ZFP82: variants seen among roughly 807,000 people sequenced by gnomAD.
ZFP82 encodes the protein zinc finger protein 82 homolog.
In ZFP82, 30 loss-of-function variants were observed where a neutral mutation model predicts 54.0. That is an observed-to-expected ratio of 0.56 (90% CI 0.42 to 0.75). The LOEUF is 0.75. Ranked by LOEUF, ZFP82 falls within the 30% of genes least tolerant of loss-of-function variation. ZFP82 has a pLI of 0.00. For synonymous variants in ZFP82, 194 were observed against 209.5 expected (o/e 0.93, Z 0.64); for missense variants, 500 against 636.8 (o/e 0.79, Z 2.31).
chr19:36,407,434 A>T (rs1456959520), intron 3 of ZFP82, among the ~76,000 whole-genome samples: 1 of 152,218 alleles, frequency 6.6e-6, no homozygotes, highest in Admixed American at 6.5e-5. Context: ...TTTATTAATG[A>T]AGGGAATGAG....
chr19:36,386,135 C>T (rs1316180518), downstream of ZFP82, among the ~76,000 whole-genome samples: 1 of 152,220 alleles, frequency 6.6e-6, no homozygotes, highest in African/African-American at 2.4e-5. Flanking sequence ...GAGGCTGCCC[C>T]TTCCATCACA....
At chr19:36,400,734 C>G (rs2032369234) in intron 4 of ZFP82, among the ~76,000 whole-genome samples, 1 of 152,182 alleles carries the variant, frequency 6.6e-6, no homozygotes, top group Non-Finnish European at 1.5e-5. Flanking sequence ...CCTATGAGCA[C>G]ACAAACATGC....
chr19:36,393,792 T>G lies in ZFP82; in HGVS notation c.548A>C (p.Gln183Pro). ...AATTCTGTGATGAAAAGTAAGCTGT[T>G]GGCGCACTCTGAACGCCTTCCCACA... is the stretch of plus-strand genomic sequence containing the variant. ...KECGKAFRVR[Q>P]QLTFHHRIHT... is the part of the protein sequence containing the mutation. The change falls in exon 5 of 5, where the codon CAA (glutamine) becomes CCA (proline). Residue 183 changes from glutamine (Q) to proline (P), a missense_variant. Coordinates refer to ENST00000392161, the MANE Select transcript of ZFP82 (RefSeq NM_133466.4). The G allele has an allele frequency of 1.2e-6, 2 of 1,613,456 alleles. No homozygotes were observed. Among genetic ancestry groups the G allele is most frequent in the Non-Finnish European group, 1.7e-6 (2 of 1,179,828 alleles).
chr19:36,410,392 C>G (rs1369494618), intron 1 of ZFP82, among the ~76,000 whole-genome samples: 1 of 151,624 alleles, frequency 6.6e-6, no homozygotes, highest in African/African-American at 2.4e-5. Context: ...TAACAAATGT[C>G]TATTTATCAA....
At chr19:36,415,331 G>C (rs993332579) in intron 1 of ZFP82, among the ~76,000 whole-genome samples, 1 of 152,186 alleles carries the variant, frequency 6.6e-6, no homozygotes, top group Non-Finnish European at 1.5e-5. Flanking sequence ...CTGGGTGGTA[G>C]GGGATGGAGA....
intron 1 of ZFP82, among the ~76,000 whole-genome samples, chr19:36,411,864 C>CAA (rs58166953): frequency 0.056 from 6,711 of 119,068 alleles, 382 homozygotes; most frequent in African/African-American, 0.14. Flanking sequence ...GACCCCGTCT[C>CAA]AAAAAAAAAA....
Position 36,392,750 on chromosome 19 carries a change from T to C in ZFP82, c.1590A>G (p.Val530=). ...AGTTGAAAAGACTTTCTTAGATTTT[T>C]ACATTATGAATTTTCAGATGATGAG... ...HLTHHLKIHN[V]KI Residue 530 remains valine, a synonymous_variant, in exon 5 of 5, where the codon GTA becomes GTG. Coordinates refer to ENST00000392161, the MANE Select transcript of ZFP82 (RefSeq NM_133466.4). The C allele has an allele frequency of 6.4e-7, 1 of 1,556,204 alleles. No individual in the cohort carries two copies. The highest frequency in any genetic ancestry group is 8.6e-7 in the Non-Finnish European group (1 of 1,157,052).
rs575048550 is a variant in ZFP82 at position 36,389,101 on chromosome 19, G to A, written c.*3640C>T. Among the ~76,000 whole-genome samples, 8 of 149,636 alleles carry A rather than the reference G, an allele frequency of 5.3e-5. No individual in the cohort carries two copies. Among genetic ancestry groups the A allele is most frequent in the African/African-American group, 2.0e-4 (8 of 40,602 alleles). On this transcript the variant is annotated 3_prime_UTR_variant, in exon 5 of 5. Coordinates refer to ENST00000392161, the MANE Select transcript of ZFP82 (RefSeq NM_133466.4). Reference sequence around the variant, plus strand: ...TATTGCCAGGCTGGAGTGCAGTGGTGTGATCTCAGCTCACTGCAACCTCCG... The same window carrying A: ...TATTGCCAGGCTGGAGTGCAGTGGTATGATCTCAGCTCACTGCAACCTCCG...
intron 4 of ZFP82, among the ~76,000 whole-genome samples, chr19:36,400,795 G>A (rs2032370478): frequency 6.6e-6 from 1 of 152,110 alleles, no homozygotes; most frequent in Non-Finnish European, 1.5e-5. Flanking sequence ...CAGTGTAACT[G>A]ACAACCCTAT....
At chr19:36,385,889 T>TA (rs780713156), downstream of ZFP82, among the ~76,000 whole-genome samples, 4 of 152,130 alleles carry the variant, frequency 2.6e-5, no homozygotes, top group East Asian at 3.9e-4. Flanking sequence ...TAACTGCATA[T>TA]AGTAAGATGT....
chr19:36,391,986 A>G lies in ZFP82; in HGVS notation c.*755T>C, dbSNP rs2032207220. The G allele has an allele frequency of 6.9e-6, 1 of 144,048 alleles. No homozygotes were observed. Among genetic ancestry groups the G allele is most frequent in the East Asian group, 2.0e-4 (1 of 4,962 alleles). 8.9% of individuals were successfully genotyped at this position (144,048 alleles called of 1,614,324 possible). A position where few individuals can be genotyped will look rare whatever the true frequency, so the allele number is the denominator to read the frequency against. On this transcript the variant is annotated 3_prime_UTR_variant, in exon 5 of 5. Coordinates refer to ENST00000392161, the MANE Select transcript of ZFP82 (RefSeq NM_133466.4). ...GGCTTAAAACAACAACCATTTTATTATATCTCATGTTTTTGTGGGTCAGAA... is the reference window on the plus strand; with the variant it reads ...GGCTTAAAACAACAACCATTTTATTGTATCTCATGTTTTTGTGGGTCAGAA...
intron 4 of ZFP82, among the ~76,000 whole-genome samples, chr19:36,401,893 T>G (rs1212349590): frequency 6.6e-6 from 1 of 152,240 alleles, no homozygotes; most frequent in South Asian, 2.1e-4. Flanking sequence ...GAGCCCTTAC[T>G]TCATGTCTCT....
At chr19:36,406,745 T>C (rs1316003353) in intron 3 of ZFP82, among the ~76,000 whole-genome samples, 1 of 152,238 alleles carries the variant, frequency 6.6e-6, no homozygotes, top group African/African-American at 2.4e-5. Flanking sequence ...GTCGTATCTA[T>C]AGTATCGTAC....
intron 4 of ZFP82, among the ~76,000 whole-genome samples, chr19:36,398,711 C>T (rs754717729): frequency 6.6e-6 from 1 of 152,046 alleles, no homozygotes; most frequent in Non-Finnish European, 1.5e-5. Context: ...CAAGAAACAG[C>T]GTCACCCTCT....
chr19:36,387,405 T>C (rs1568480458), downstream of ZFP82, among the ~76,000 whole-genome samples: 1 of 152,206 alleles, frequency 6.6e-6, no homozygotes, highest in African/African-American at 2.4e-5. Flanking sequence ...CTTTCATGAA[T>C]GGATTAATGC....
At position 36,393,058 on chromosome 19, in the gene ZFP82, C is replaced by T. The variant is rs1458918341; in HGVS notation, c.1282G>A (p.Gly428Arg). ...TGTGAAAGTAGTCTGAAGGCCTTCC[C>T]GCATTCCTTACAGTCATAGGGCTTA... The part of the protein sequence containing the change: ...GVKPYDCKEC[G>R]KAFRLLSQLT... The change falls in exon 5 of 5, where the codon GGG becomes AGG. Residue 428 changes from glycine (G) to arginine (R), a missense_variant. Gly to Arg is a moderately radical substitution (Grantham distance 125). Coordinates refer to ENST00000392161, the MANE Select transcript of ZFP82 (RefSeq NM_133466.4). 5 of 1,613,990 alleles carry T rather than the reference C, an allele frequency of 3.1e-6. No homozygotes were observed. The highest frequency in any genetic ancestry group is 3.4e-6 in the Non-Finnish European group (4 of 1,180,010).
In ZFP82 at chr19:36,405,671, T is replaced by A. The variant is rs749548444; in HGVS notation, c.138A>T (p.Gly46=). Reference sequence around the variant, plus strand: ...TCACATCTGGTTTAGAAATGAAGCATCCTGCTTAGAAGAAAAGGAATATAA... The same window carrying A: ...TCACATCTGGTTTAGAAATGAAGCAACCTGCTTAGAAGAAAAGGAATATAA... ...LENYSNLVSL[G]CFISKPDVIS... The change falls in exon 4 of 5, where the codon GGA becomes GGT. Residue 46 remains glycine (G), a splice_region_variant and synonymous_variant. Transcript: ENST00000392161. The A allele has an allele frequency of 2.5e-6, 4 of 1,595,244 alleles. No individual in the cohort carries two copies. In the South Asian group the frequency reaches 3.4e-5, roughly 13 times the overall value.
chr19:36,406,660 T>C (rs770506642), intron 3 of ZFP82, among the ~76,000 whole-genome samples: 6 of 152,270 alleles, frequency 3.9e-5, no homozygotes, highest in Non-Finnish European at 5.9e-5. Flanking sequence ...ATAATGCTGC[T>C]GTGAATACTT....
At chr19:36,401,385 G>C (rs2032382157) in intron 4 of ZFP82, among the ~76,000 whole-genome samples, 1 of 152,096 alleles carries the variant, frequency 6.6e-6, no homozygotes. Flanking sequence ...TTTCCAACTT[G>C]CTCTTCCTAT....
Sources: allele counts gnomAD v4.1 joint callset (sites outside exome capture counted in the v4.1 genomes callset), GRCh38; gene constraint gnomAD v4.1.1; transcripts MANE v1.5; gene names NCBI Gene and HGNC (gene_info 2026-07-23, HGNC 2026-07-21).